CPNE4: variants seen among roughly 807,000 people sequenced by gnomAD.
CPNE4 encodes the protein copine-4.
CPNE4 carries 25 observed loss-of-function variants against 67.9 expected under a neutral mutation model. That is an observed-to-expected ratio of 0.37 (90% confidence interval 0.27 to 0.51). CPNE4 has a LOEUF of 0.51. CPNE4 is among the 20% of genes least tolerant of loss of function. The pLI is 0.93. For synonymous variants in CPNE4, 242 were observed against 244.9 expected, an observed-to-expected ratio of 0.99 and a Z score of 0.11; for missense variants, 464 against 690.8, an observed-to-expected ratio of 0.67 and a Z score of 3.68.
intron 1 of CPNE4, chr3:131,985,760 A>G (rs1164233883): frequency 6.5e-6 from 1 of 153,346 alleles, no homozygotes; most frequent in Non-Finnish European, 1.5e-5. Context: ...ATATTCAATG[A>G]AAAACCTTAA....
chr3:131,754,312 T>A (rs1583144471), intron 2 of CPNE4, among the ~76,000 whole-genome samples: 3 of 152,032 alleles, frequency 2.0e-5, no homozygotes, highest in Middle Eastern at 6.8e-3. Context: ...TATTTACATT[T>A]GAATAGGAAT....
intron 2 of CPNE4, among the ~76,000 whole-genome samples, chr3:131,825,286 A>G (rs541107414): frequency 7.2e-5 from 11 of 152,212 alleles, no homozygotes; most frequent in African/African-American, 2.6e-4. Context: ...TCATGAGGTC[A>G]GGAGTTCAAG....
At chr3:131,577,617 G>C (rs571181812) in intron 9 of CPNE4, among the ~76,000 whole-genome samples, 1 of 152,218 alleles carries the variant, frequency 6.6e-6, no homozygotes, top group Non-Finnish European at 1.5e-5. Flanking sequence ...TGGCACACCT[G>C]TATAGAGAAG....
chr3:131,850,345 G>T (rs1037947096), intron 2 of CPNE4, among the ~76,000 whole-genome samples: 4 of 152,064 alleles, frequency 2.6e-5, no homozygotes, highest in African/African-American at 9.7e-5. Flanking sequence ...TCCTCGGAGT[G>T]TATAAGAAAG....
chr3:132,031,650 G>A (rs74676686), intron 1 of CPNE4, among the ~76,000 whole-genome samples: 5,493 of 152,294 alleles, frequency 0.036, 142 homozygotes, highest in Admixed American at 0.053. Flanking sequence ...CTTTCTTTAT[G>A]TGGATAAAGG....
At position 131,905,289 on chromosome 3, in the gene CPNE4, A is replaced by T. The variant is rs747852459; in HGVS notation, c.155T>A (p.Met52Lys). ...SKPDPCVILK[M>K]QSHGQWFEVD... ...CTCAAACCACTGCCCATGAGACTGC[A>T]TCTTGAGGATGACACAGGGGTCTGG... The change falls in exon 2 of 16, where the codon ATG becomes AAG. Residue 52 changes from methionine (M) to lysine (K), a missense_variant. By Grantham distance (95) the Met-to-Lys change is moderately conservative. Coordinates refer to ENST00000429747, the MANE Select transcript of CPNE4 (RefSeq NM_130808.3). 6.2e-7 allele frequency: 1 copy of T among 1,613,418 alleles called. No homozygotes were observed. The highest frequency in any genetic ancestry group is 1.1e-5 in the South Asian group (1 of 91,036).
chr3:131,756,714 T>C (rs1160427452), intron 2 of CPNE4, among the ~76,000 whole-genome samples: 1 of 152,186 alleles, frequency 6.6e-6, no homozygotes, highest in Non-Finnish European at 1.5e-5. Flanking sequence ...AGGCTTGAGT[T>C]GGAGGCCCGG....
intron 2 of CPNE4, among the ~76,000 whole-genome samples, chr3:131,773,514 AT>A (rs2083220582): frequency 6.6e-6 from 1 of 151,868 alleles, no homozygotes; most frequent in Admixed American, 6.6e-5. Context: ...TGCCCGGCTA[AT>A]TTTTGTATTT....
At chr3:131,642,842 A>G (rs528176143) in intron 7 of CPNE4, among the ~76,000 whole-genome samples, 3 of 152,180 alleles carry the variant, frequency 2.0e-5, no homozygotes, top group Admixed American at 6.5e-5. Context: ...TCAATTAAAC[A>G]TCTTTCCTTT....
chr3:131,777,622 G>A (rs1332566621), intron 2 of CPNE4, among the ~76,000 whole-genome samples: 8 of 152,102 alleles, frequency 5.3e-5, no homozygotes, highest in African/African-American at 1.2e-4. Context: ...TTCTTTGGGC[G>A]GTTGTCTCAT....
chr3:132,003,129 G>C (rs2073498510), intron 1 of CPNE4, among the ~76,000 whole-genome samples: 1 of 152,118 alleles, frequency 6.6e-6, no homozygotes, highest in African/African-American at 2.4e-5. Flanking sequence ...CAATCTGCTT[G>C]TTTGCTCATC....
At chr3:131,656,639 T>C (rs959964994) in intron 7 of CPNE4, among the ~76,000 whole-genome samples, 7 of 152,212 alleles carry the variant, frequency 4.6e-5, no homozygotes, top group Non-Finnish European at 1.0e-4. Context: ...GCTGAGGATA[T>C]AGAGGTGAAT....
At chr3:131,739,791 G>A (rs2082316740) in intron 2 of CPNE4, among the ~76,000 whole-genome samples, 1 of 152,182 alleles carries the variant, frequency 6.6e-6, no homozygotes, top group African/African-American at 2.4e-5. Flanking sequence ...CCTGACACTT[G>A]AGGAAGTTTA....
chr3:131,815,022 G>C (rs1028628046), intron 2 of CPNE4, among the ~76,000 whole-genome samples: 5 of 152,196 alleles, frequency 3.3e-5, no homozygotes, highest in Non-Finnish European at 5.9e-5. Context: ...TAAGAGACTG[G>C]TTGGTCTGGT....
At chr3:131,779,468 C>G (rs889926233) in intron 2 of CPNE4, among the ~76,000 whole-genome samples, 4 of 151,980 alleles carry the variant, frequency 2.6e-5, no homozygotes, top group Non-Finnish European at 5.9e-5. Context: ...TGGCATGGTA[C>G]TCGTAGAAAA....
At chr3:131,809,114 G>A (rs573429116) in intron 2 of CPNE4, among the ~76,000 whole-genome samples, 19 of 152,234 alleles carry the variant, frequency 1.2e-4, no homozygotes, top group African/African-American at 4.6e-4. Context: ...AAATTAGGCT[G>A]CTAATCAGCT....
intron 2 of CPNE4, among the ~76,000 whole-genome samples, chr3:131,855,380 A>G (rs2086400438): frequency 6.6e-6 from 1 of 152,022 alleles, no homozygotes; most frequent in South Asian, 2.1e-4. Context: ...GAGAGGGAAC[A>G]AAAGCTTAAG....
intron 9 of CPNE4, among the ~76,000 whole-genome samples, chr3:131,580,445 TAC>T (rs1937744820): frequency 1.4e-5 from 2 of 140,074 alleles, no homozygotes; most frequent in Non-Finnish European, 3.0e-5. Flanking sequence ...CATATACATA[TAC>T]ATATACATAT....
intron 15 of CPNE4, among the ~76,000 whole-genome samples, chr3:131,540,994 G>C (rs906053316): frequency 2.0e-5 from 3 of 152,210 alleles, no homozygotes; most frequent in Non-Finnish European, 4.4e-5. Context: ...AAGATTCCCT[G>C]TTGCCAGGGC....
Sources: allele counts gnomAD v4.1 joint callset (sites outside exome capture counted in the v4.1 genomes callset), GRCh38; gene constraint gnomAD v4.1.1; transcripts MANE v1.5; gene names NCBI Gene and HGNC (gene_info 2026-07-23, HGNC 2026-07-21).